PCDHA9: variants seen among roughly 807,000 people sequenced by gnomAD.
PCDHA9 encodes the protein protocadherin alpha-9.
In PCDHA9, 62 loss-of-function variants were observed where a neutral mutation model predicts 62.0. The observed-to-expected ratio is 1.00, with a 90% CI of 0.81 to 1.23. The LOEUF (loss-of-function observed/expected upper bound fraction) is 1.23. PCDHA9 is among the 50% of genes most tolerant of loss of function. PCDHA9 has a pLI of 0.00. For synonymous variants in PCDHA9, 557 were observed against 567.6 expected, an observed-to-expected ratio of 0.98 and a Z score of 0.27; for missense variants, 1,205 against 1,249.8, an observed-to-expected ratio of 0.96 and a Z score of 0.54.
intron 1 of PCDHA9, among the ~76,000 whole-genome samples, chr5:140,906,332 T>C (rs2072570393): frequency 6.6e-6 from 1 of 152,186 alleles, no homozygotes; most frequent in Non-Finnish European, 1.5e-5. Context: ...CAACTATCCT[T>C]CATACAACCA....
At chr5:140,904,570 G>T (rs1377408350) in intron 1 of PCDHA9, among the ~76,000 whole-genome samples, 1 of 151,378 alleles carries the variant, frequency 6.6e-6, no homozygotes, top group African/African-American at 2.4e-5. Context: ...TTTTCCTCTG[G>T]GTAGACACCC....
intron 1 of PCDHA9, chr5:140,884,124 G>T: frequency 6.2e-7 from 1 of 1,613,344 alleles, no homozygotes; most frequent in South Asian, 1.1e-5. Flanking sequence ...GTCGGCGCGC[G>T]CATCCCGTTC....
At chr5:140,932,145 C>G (rs1231469475) in intron 1 of PCDHA9, among the ~76,000 whole-genome samples, 2 of 151,710 alleles carry the variant, frequency 1.3e-5, no homozygotes, top group African/African-American at 4.8e-5. Context: ...AAAATTGATT[C>G]ACTGATTGTA....
In PCDHA9 at chr5:141,010,093, T is replaced by A. The variant is rs2098416026; in HGVS notation, c.*156T>A. On this transcript the variant is annotated 3_prime_UTR_variant, in exon 4 of 4. Transcript: ENST00000532602. The stretch of plus-strand genomic sequence containing the variant: ...TTCCCTGTGTCTGTCTAGAACGCAT[T>A]TAACAGGTTTTGTCGTAAAAGCTTT... 4 of 1,612,692 alleles carry A rather than the reference T, an allele frequency of 2.5e-6. No homozygotes were observed. Among genetic ancestry groups the A allele is most frequent in the Non-Finnish European group, 3.4e-6 (4 of 1,179,392 alleles).
Position 140,925,641 on chromosome 5 carries a change from T to TATAATAATAATA in PCDHA9, c.2395-53282_2395-53271dup, listed in dbSNP as rs10569930. On this transcript the variant is annotated intron_variant, in intron 1 of 3. Coordinates refer to ENST00000532602, the MANE Select transcript of PCDHA9 (RefSeq NM_031857.2). ...TGCACATGTACCCTAGAACTTAAAG[T>TATAATAATAATA]ATAATAATAATAATAATAATAATAA... 2.2e-3 allele frequency among the ~76,000 whole-genome samples: 310 copies of TATAATAATAATA among 143,350 alleles called. 1 individual carries two copies. The highest frequency in any genetic ancestry group is 2.8e-3 in the East Asian group (14 of 4,930). 94.0% of individuals were successfully genotyped at this position (143,350 alleles called of 152,430 possible).
intron 1 of PCDHA9, among the ~76,000 whole-genome samples, chr5:140,938,121 A>T (rs981387543): frequency 2.0e-5 from 3 of 151,892 alleles, no homozygotes; most frequent in Admixed American, 6.6e-5. Context: ...CTCTTTTTTT[A>T]AAAAAATAGA....
intron 1 of PCDHA9, chr5:140,871,730 T>C: frequency 2.8e-6 from 2 of 714,038 alleles, no homozygotes; most frequent in Middle Eastern, 4.1e-4. Flanking sequence ...TAATATTTGG[T>C]TAGCAAATCC....
At chr5:140,947,647 A>G (rs1192426462) in intron 1 of PCDHA9, among the ~76,000 whole-genome samples, 1 of 151,646 alleles carries the variant, frequency 6.6e-6, no homozygotes, top group African/African-American at 2.4e-5. Flanking sequence ...ATGAACATAT[A>G]TACCTCCATT....
At chr5:140,989,437 A>G (rs1330784508) in intron 3 of PCDHA9, among the ~76,000 whole-genome samples, 1 of 152,138 alleles carries the variant, frequency 6.6e-6, no homozygotes, top group East Asian at 1.9e-4. Flanking sequence ...AAAATTGCTG[A>G]GGTTGTTTAG....
intron 3 of PCDHA9, among the ~76,000 whole-genome samples, chr5:141,007,284 C>T (rs2098312696): frequency 6.6e-6 from 1 of 151,430 alleles, no homozygotes; most frequent in Admixed American, 6.6e-5. Context: ...GTGCAGTGGG[C>T]TCATGCCTGT....
At chr5:140,969,045 C>A (rs782611179) in intron 1 of PCDHA9, 1 of 1,614,090 alleles carries the variant, frequency 6.2e-7, no homozygotes, top group Admixed American at 1.7e-5. Context: ...TACAAACAAG[C>A]CAACAACAAT....
chr5:140,987,999 C>T (rs543796200), intron 3 of PCDHA9, among the ~76,000 whole-genome samples: 3 of 152,292 alleles, frequency 2.0e-5, no homozygotes, highest in African/African-American at 7.2e-5. Context: ...TCTGATCCTT[C>T]CCCAGAAAGA....
intron 1 of PCDHA9, chr5:140,966,700 G>T: frequency 7.3e-7 from 1 of 1,365,440 alleles, no homozygotes; most frequent in Non-Finnish European, 9.4e-7. Context: ...GGGCCCGGGC[G>T]TGGGGCACGG....
At chr5:140,886,651 C>T (rs1427441330) in intron 1 of PCDHA9, among the ~76,000 whole-genome samples, 4 of 151,902 alleles carry the variant, frequency 2.6e-5, no homozygotes, top group Non-Finnish European at 4.4e-5. Context: ...CATGGTGAAA[C>T]CCTGTCTCTA....
intron 1 of PCDHA9, among the ~76,000 whole-genome samples, chr5:140,879,282 A>T (rs1554170732): frequency 1.3e-5 from 2 of 152,238 alleles, no homozygotes; most frequent in Non-Finnish European, 2.9e-5. Context: ...ACTCAATACA[A>T]ATGATAAGAG....
At position 140,925,289 on chromosome 5, in the gene PCDHA9, G is replaced by T. The variant is rs190990360; in HGVS notation, c.2395-53660G>T. Among the ~76,000 whole-genome samples, 1,224 of 152,222 alleles carry T rather than the reference G, an allele frequency of 8.0e-3. 6 individuals carry two copies. The highest frequency in any genetic ancestry group is 0.019 in the African/African-American group (790 of 41,540). On this transcript the variant is annotated intron_variant, in intron 1 of 3. Coordinates refer to ENST00000532602, the MANE Select transcript of PCDHA9 (RefSeq NM_031857.2). The stretch of plus-strand genomic sequence containing the variant: ...TGTGTTCAGATTTTGCCTTTCAAAT[G>T]TTTCATTATTGGGGCTTTGGACATA...
At chr5:141,005,288 T>A (rs908780920) in intron 3 of PCDHA9, among the ~76,000 whole-genome samples, 1 of 152,176 alleles carries the variant, frequency 6.6e-6, no homozygotes. Flanking sequence ...AACAGATACA[T>A]TTTTTGCCTT....
chr5:140,882,391 C>T, intron 1 of PCDHA9: 2 of 1,614,214 alleles, frequency 1.2e-6, no homozygotes, highest in Non-Finnish European at 8.5e-7. Context: ...AAGCAAAACA[C>T]GGCACCTTCG....
intron 3 of PCDHA9, among the ~76,000 whole-genome samples, chr5:141,007,519 T>A (rs1554261363): frequency 6.6e-6 from 1 of 151,934 alleles, no homozygotes; most frequent in African/African-American, 2.4e-5. Context: ...AGTGAGCTGA[T>A]ATCTCGCCAC....
Sources: gnomAD v4.1 joint callset for allele counts (sites outside exome capture counted in the v4.1 genomes callset) on GRCh38, gnomAD v4.1.1 for gene constraint, MANE v1.5 for transcripts, NCBI Gene and HGNC (gene_info 2026-07-23, HGNC 2026-07-21) for gene names.